Variants in RUBCNL observed in about 807,000 individuals in gnomAD.
RUBCNL encodes the protein rubicon like autophagy enhancer.
RUBCNL carries 62 observed loss-of-function variants against 69.5 expected under a neutral mutation model. The observed-to-expected ratio is 0.89, with a 90% confidence interval of 0.73 to 1.10. RUBCNL has a LOEUF of 1.10. RUBCNL is among the 50% of genes least tolerant of loss of function. RUBCNL has a pLI of 0.00. For synonymous variants in RUBCNL, 291 were observed against 303.6 expected, an observed-to-expected ratio of 0.96 and a Z score of 0.43; for missense variants, 768 against 798.1, an observed-to-expected ratio of 0.96 and a Z score of 0.45.
Position 46,342,747 on chromosome 13 carries a change from G to C in RUBCNL, c.*638C>G, listed in dbSNP as rs2048164114. On this transcript the variant is annotated 3_prime_UTR_variant, in exon 15 of 15. Coordinates refer to ENST00000429979, the MANE Select transcript of RUBCNL (RefSeq NM_025113.5). ...CAGGTTCAATTTGTGCCACCTGAAA[G>C]AGTGCCATCTAGAAGCAGTTGCTTC... is the stretch of plus-strand genomic sequence containing the variant. The C allele has an allele frequency of 6.6e-6, 1 of 152,342 alleles. No homozygotes were observed. Among genetic ancestry groups the C allele is most frequent in the Non-Finnish European group, 1.5e-5 (1 of 68,130 alleles). The allele number at this position is 152,342 out of a possible 1,614,324, so 9.4% of individuals were successfully genotyped here.
intron 2 of RUBCNL, among the ~76,000 whole-genome samples, chr13:46,375,927 T>C (rs2048982820): frequency 6.6e-6 from 1 of 152,222 alleles, no homozygotes; most frequent in Non-Finnish European, 1.5e-5. Context: ...ACGCCTCTTT[T>C]TCCTCTCTTC....
At chr13:46,380,260 G>C (rs144983905) in intron 1 of RUBCNL, among the ~76,000 whole-genome samples, 1 of 152,156 alleles carries the variant, frequency 6.6e-6, no homozygotes, top group African/African-American at 2.4e-5. Flanking sequence ...AGAACTGCAG[G>C]GTTGCCCAAA....
At chr13:46,368,326 A>C in intron 4 of RUBCNL, 77 bp from the exon 5 acceptor site, 5 of 1,475,802 alleles carry the variant, frequency 3.4e-6, no homozygotes, top group Non-Finnish European at 4.6e-6. Flanking sequence ...TGAAAAATCA[A>C]TATGCTCTAT....
chr13:46,356,212 G>C (rs118023404), intron 10 of RUBCNL, among the ~76,000 whole-genome samples: 1 of 152,190 alleles, frequency 6.6e-6, no homozygotes, highest in African/African-American at 2.4e-5. Context: ...GCCCAACAGG[G>C]AGAGAACTAG....
In RUBCNL at chr13:46,339,678, G is replaced by C. The variant is rs539450401; in HGVS notation, c.*3707C>G. ...GTTAGAGACCAGCCTTGCCAACATG[G>C]TGAAAACCCGTCTCTACTAAAAATA... On this transcript the variant is annotated 3_prime_UTR_variant, in exon 15 of 15. Transcript: ENST00000429979. 6.6e-6 allele frequency among the ~76,000 whole-genome samples: 1 copy of C among 152,082 alleles called. No individual in the cohort carries two copies. The highest frequency in any genetic ancestry group is 2.4e-5 in the African/African-American group (1 of 41,402).
rs1202797306 is a variant in RUBCNL at position 46,336,655 on chromosome 13, C to T, written c.*6730G>A. ...GGTAGAGAGGTAGGTGAAGACAATA[C>T]AGTGACTACTGAATTTAGATATTGC... On this transcript the variant is annotated 3_prime_UTR_variant, in exon 15 of 15. Coordinates refer to ENST00000429979, the MANE Select transcript of RUBCNL (RefSeq NM_025113.5). Among the ~76,000 whole-genome samples the T allele has an allele frequency of 2.0e-5, 3 of 152,024 alleles. No homozygotes were observed. Among genetic ancestry groups the T allele is most frequent in the African/African-American group, 7.2e-5 (3 of 41,384 alleles).
At chr13:46,381,519 T>C (rs371354371) in intron 1 of RUBCNL, among the ~76,000 whole-genome samples, 31 of 152,336 alleles carry the variant, frequency 2.0e-4, no homozygotes, top group African/African-American at 5.3e-4. Context: ...AAATCAACTG[T>C]GGTAATGATG....
intron 5 of RUBCNL, among the ~76,000 whole-genome samples, chr13:46,364,215 G>A (rs1461438215): frequency 1.3e-5 from 2 of 151,892 alleles, no homozygotes; most frequent in African/African-American, 4.8e-5. Context: ...CCAACAAGGT[G>A]AAACCCCATC....
Position 46,359,609 on chromosome 13 carries a change from C to A in RUBCNL, c.1142G>T (p.Arg381Leu), listed in dbSNP as rs768684570. 1 of 1,590,840 alleles carries A rather than the reference C, an allele frequency of 6.3e-7. No homozygotes were observed. Among genetic ancestry groups the A allele is most frequent in the Non-Finnish European group, 8.6e-7 (1 of 1,167,516 alleles). Residue 381 changes from arginine to leucine, a missense_variant, in exon 9 of 15, where the codon CGA becomes CTA. By Grantham distance (102) the Arg-to-Leu change is moderately radical. Transcript: ENST00000429979. ...ATTCATACTGGATTCAAAGTCTTTTCGGACACACTCTTCATTTACGACCTG... is the reference window on the plus strand; with the variant it reads ...ATTCATACTGGATTCAAAGTCTTTTAGGACACACTCTTCATTTACGACCTG... ...GSIVVNEECVRKDFESSMNVV... is the reference protein window; with the variant it reads ...GSIVVNEECVLKDFESSMNVV...
At chr13:46,351,559 G>C (rs957451884) in intron 10 of RUBCNL, among the ~76,000 whole-genome samples, 2 of 152,086 alleles carry the variant, frequency 1.3e-5, no homozygotes, top group Non-Finnish European at 2.9e-5. Flanking sequence ...TTTATAATGG[G>C]GGTGGCAGCC....
intron 1 of RUBCNL, among the ~76,000 whole-genome samples, chr13:46,381,306 G>A (rs192625657): frequency 1.3e-5 from 2 of 152,218 alleles, no homozygotes; most frequent in Admixed American, 1.3e-4. Flanking sequence ...ACTAATTTAT[G>A]CTCTGACATG....
At chr13:46,359,766 G>A in intron 8 of RUBCNL, 135 bp from the exon 9 acceptor site, 1 of 829,368 alleles carries the variant, frequency 1.2e-6, no homozygotes. Context: ...TGAACTAAAG[G>A]GCATACCAAG....
intron 1 of RUBCNL, among the ~76,000 whole-genome samples, chr13:46,379,848 C>T (rs1022570981): frequency 2.6e-5 from 4 of 152,222 alleles, no homozygotes; most frequent in Non-Finnish European, 5.9e-5. Flanking sequence ...TACTTCTCTT[C>T]ATGCTTTGAC....
upstream of RUBCNL, chr13:46,387,811 G>T: frequency 1.0e-6 from 1 of 985,504 alleles, no homozygotes; most frequent in Non-Finnish European, 1.2e-6. Flanking sequence ...TCCTCTTGCA[G>T]CGAAGGTTTG....
In RUBCNL at chr13:46,364,885, C is replaced by A. The variant is rs146851963; in HGVS notation, c.827-1672G>T. Among the ~76,000 whole-genome samples the A allele has an allele frequency of 7.9e-5, 12 of 152,076 alleles. No homozygotes were observed. The East Asian group carries it at 2.3e-3, about 29-fold the overall frequency. ...ACATATTCATATTTATTCATGTTTT[C>A]TTAAAGTTTCAGCTACCATCAATTT... On this transcript the variant is annotated intron_variant, in intron 5 of 14. Transcript: ENST00000429979.
In RUBCNL at chr13:46,362,594, A is replaced by G. The variant is rs1415296019; in HGVS notation, c.930T>C (p.Leu310=). The G allele has an allele frequency of 3.1e-6, 5 of 1,605,776 alleles. No individual in the cohort carries two copies. In the South Asian group the frequency reaches 4.5e-5, roughly 14 times the overall value. The part of the protein sequence containing the change: ...CDVDEFVILE[L]GDFNDITETC... ...TTTCTGTGATATCATTAAAATCTCC[A>G]AGCTCTGTGGGAAAATAAAAGAAAG... is the stretch of plus-strand genomic sequence containing the variant. Residue 310 remains leucine, a synonymous_variant, in exon 7 of 15, where the codon CTT becomes CTC. Transcript: ENST00000429979.
chr13:46,390,025 C>A (rs1256378768), upstream of RUBCNL: 3 of 152,010 alleles, frequency 2.0e-5, no homozygotes, highest in Non-Finnish European at 4.4e-5. Context: ...GTGTCAGGGA[C>A]AACTCACTGT....
chr13:46,344,513 G>A (rs1260777665), intron 14 of RUBCNL, among the ~76,000 whole-genome samples: 15 of 152,124 alleles, frequency 9.9e-5, no homozygotes, highest in Admixed American at 9.2e-4. Context: ...TGCACCAGAA[G>A]ACATTATCCT....
intron 12 of RUBCNL, among the ~76,000 whole-genome samples, chr13:46,346,613 T>A (rs1279439840): frequency 6.6e-6 from 1 of 152,130 alleles, no homozygotes; most frequent in African/African-American, 2.4e-5. Flanking sequence ...TTGTTCTATG[T>A]TGTGGATGAA....
Sources: gnomAD v4.1 joint callset for allele counts (sites outside exome capture counted in the v4.1 genomes callset) on GRCh38, gnomAD v4.1.1 for gene constraint, MANE v1.5 for transcripts, NCBI Gene and HGNC (gene_info 2026-07-23, HGNC 2026-07-21) for gene names.